The following TRPA1 variants were observed in gnomAD, a reference collection of about 807,000 sequenced individuals.
TRPA1 encodes transient receptor potential cation channel subfamily A member 1, also known as ankyrin-like with transmembrane domains 1.
Under a neutral mutation model 131.3 loss-of-function variants are expected in TRPA1, and 129 were observed. The ratio of observed to expected loss-of-function variants is 0.98; its 90% CI spans 0.85 to 1.14. TRPA1 has a LOEUF of 1.14. Ranked by LOEUF, TRPA1 falls within the 50% of genes most tolerant of loss-of-function variation. TRPA1 has a pLI of 0.00. For synonymous variants in TRPA1, 441 were observed against 451.7 expected (o/e 0.98, Z 0.30); for missense variants, 1,304 against 1,354.2 (o/e 0.96, Z 0.58).
Position 72,023,003 on chromosome 8 carries a change from T to C in TRPA1, c.3263A>G (p.Gln1088Arg). ...TEDDDSHCSF[Q>R]DRFKKEQMEQ... ...CATCTGCTCTTTCTTAAACCTGTCT[T>C]GAAAAGAACAATGGCTATCATCATC... Residue 1088 changes from glutamine to arginine, a missense_variant, in exon 27 of 27, where the codon CAA becomes CGA. Transcript: ENST00000262209. 1.2e-6 allele frequency: 2 copies of C among 1,613,894 alleles called. No individual in the cohort carries two copies. Among genetic ancestry groups the C allele is most frequent in the Non-Finnish European group, 1.7e-6 (2 of 1,179,876 alleles).
upstream of TRPA1, among the ~76,000 whole-genome samples, chr8:72,079,141 T>G (rs1806242534): frequency 1.3e-5 from 2 of 151,994 alleles, 1 homozygote; most frequent in African/African-American, 4.8e-5. Context: ...TAAATATAAC[T>G]CTTTAAACAG....
At chr8:72,025,902 T>C in intron 25 of TRPA1, 58 bp downstream of exon 25, 1 of 1,446,752 alleles carries the variant, frequency 6.9e-7, no homozygotes, top group Non-Finnish European at 9.7e-7. Flanking sequence ...GTTAACACAA[T>C]GAATGAATGT....
the TRPA1 span, among the ~76,000 whole-genome samples, chr8:72,085,726 G>A: frequency 2.6e-5 from 4 of 152,082 alleles, no homozygotes; most frequent in African/African-American, 9.6e-5. Flanking sequence ...TTTTAATTGG[G>A]AAGTTTAGTT....
the TRPA1 span, among the ~76,000 whole-genome samples, chr8:72,082,960 G>A: frequency 6.6e-6 from 1 of 151,064 alleles, no homozygotes; most frequent in Non-Finnish European, 1.5e-5. Context: ...ACTTAATGTT[G>A]TCCATGTTTC....
intron 12 of TRPA1, 92 bp from the exon 13 acceptor site, chr8:72,053,959 G>A: frequency 1.2e-6 from 1 of 844,976 alleles, no homozygotes. Context: ...TAAATCTGAT[G>A]ACAACAAAAA....
intron 3 of TRPA1, among the ~76,000 whole-genome samples, chr8:72,068,327 G>T (rs1805978233): frequency 6.6e-6 from 1 of 152,162 alleles, no homozygotes. Flanking sequence ...GTGTTCTAGG[G>T]TGTTTGAGAG....
intron 2 of TRPA1, among the ~76,000 whole-genome samples, chr8:72,070,354 C>T (rs1806032605): frequency 6.6e-6 from 1 of 152,080 alleles, no homozygotes; most frequent in African/African-American, 2.4e-5. Flanking sequence ...TACACACCCA[C>T]ACACACACAT....
At chr8:72,063,073 T>A in intron 5 of TRPA1, 129 bp from the exon 6 acceptor site, 1 of 946,832 alleles carries the variant, frequency 1.1e-6, no homozygotes, top group Non-Finnish European at 1.6e-6. Context: ...AGCTTGTGTT[T>A]AATTCTGTTA....
At chr8:72,073,885 T>C (rs1806118010) in intron 1 of TRPA1, among the ~76,000 whole-genome samples, 1 of 152,188 alleles carries the variant, frequency 6.6e-6, no homozygotes, top group Admixed American at 6.5e-5. Context: ...CATGCTAACA[T>C]TAAGAAGGAC....
At chr8:72,040,986 G>A (rs991994103) in intron 17 of TRPA1, among the ~76,000 whole-genome samples, 4 of 152,002 alleles carry the variant, frequency 2.6e-5, no homozygotes, top group African/African-American at 9.7e-5. Flanking sequence ...ACTCACTTTA[G>A]ATATAAGAAC....
chr8:72,041,475 A>G (rs1254760766), intron 17 of TRPA1: 2 of 152,058 alleles, frequency 1.3e-5, no homozygotes, highest in Non-Finnish European at 2.9e-5. Context: ...GCCATGAAGT[A>G]TTAAAACATT....
At chr8:72,055,931 G>A in intron 10 of TRPA1, 76 bp from the exon 11 acceptor site, 1 of 1,487,700 alleles carries the variant, frequency 6.7e-7, no homozygotes, top group South Asian at 1.2e-5. Flanking sequence ...TATTCTGTAG[G>A]AAAATATTTT....
chr8:72,028,689 G>A (rs1188442839), intron 24 of TRPA1, among the ~76,000 whole-genome samples: 2 of 152,182 alleles, frequency 1.3e-5, no homozygotes, highest in Non-Finnish European at 2.9e-5. Flanking sequence ...TACCTAGCTG[G>A]TGTGCTAAGT....
chr8:72,082,184 T>TAC, the TRPA1 span, among the ~76,000 whole-genome samples: 2 of 152,010 alleles, frequency 1.3e-5, no homozygotes, highest in Non-Finnish European at 1.5e-5. Context: ...TTTAACTTAT[T>TAC]ACAGTCTACT....
chr8:72,057,438 A>G (rs898716544), intron 9 of TRPA1, among the ~76,000 whole-genome samples: 1 of 152,234 alleles, frequency 6.6e-6, no homozygotes, highest in Non-Finnish European at 1.5e-5. Flanking sequence ...AAGACAGTTA[A>G]TTAAATGTTC....
At chr8:72,058,787 G>A (rs1331235014) in intron 8 of TRPA1, among the ~76,000 whole-genome samples, 1 of 152,070 alleles carries the variant, frequency 6.6e-6, no homozygotes, top group African/African-American at 2.4e-5. Flanking sequence ...ACTACAAATG[G>A]AAATCCGTCA....
In TRPA1 at chr8:72,062,857, C is replaced by A. The variant is rs759726700; in HGVS notation, c.749G>T (p.Gly250Val). 1.2e-6 allele frequency: 2 copies of A among 1,613,986 alleles called. No individual in the cohort carries two copies. The highest frequency in any genetic ancestry group is 1.7e-6 in the Non-Finnish European group (2 of 1,179,974). The change falls in exon 6 of 27, where the codon GGT becomes GTT. Residue 250 changes from glycine to valine, a missense_variant. Coordinates refer to ENST00000262209, the MANE Select transcript of TRPA1 (RefSeq NM_007332.3). ...GCACATTTTGATCATTTCCAAGTCA[C>A]CATTTTGCACAGCCAGGTGGAGAGG... Reference protein sequence around the residue: ...ATPLHLAVQNGDLEMIKMCLD... With the variant: ...ATPLHLAVQNVDLEMIKMCLD...
At chr8:72,079,799 A>G (rs1181986532), upstream of TRPA1, among the ~76,000 whole-genome samples, 1 of 151,928 alleles carries the variant, frequency 6.6e-6, no homozygotes, top group Non-Finnish European at 1.5e-5. Context: ...TAAACATGGT[A>G]TATTTTCAGT....
rs930468430 is a variant in TRPA1, at chr8:72,055,681, C to T, written c.1364+5G>A. 3.1e-6 allele frequency: 5 copies of T among 1,613,644 alleles called. No individual in the cohort carries two copies. Among genetic ancestry groups the T allele is most frequent in the Middle Eastern group, 1.7e-4 (1 of 6,056 alleles). On this transcript the variant is annotated splice_donor_5th_base_variant and intron_variant, in intron 11 of 26. Transcript: ENST00000262209. ...ATGTTCATACATTGCTAGACTGACC[C>T]TTACCTGGCTGCAAAATGCAGAGGT...
Sources: gnomAD v4.1 joint callset for allele counts (sites outside exome capture counted in the v4.1 genomes callset) on GRCh38, gnomAD v4.1.1 for gene constraint, MANE v1.5 for transcripts, NCBI Gene and HGNC (gene_info 2026-07-23, HGNC 2026-07-21) for gene names.